The following ARHGEF7 variants were observed in gnomAD, a reference collection of about 807,000 sequenced individuals.
ARHGEF7 encodes the protein PAK-interacting exchange factor beta.
A neutral mutation model predicts 109.8 loss-of-function variants in ARHGEF7; 33 were observed. The observed-to-expected ratio is 0.30, with a 90% confidence interval of 0.23 to 0.40. The LOEUF (loss-of-function observed/expected upper bound fraction) is 0.40. ARHGEF7 is among the 10% of genes least tolerant of loss of function. The pLI, the probability that ARHGEF7 is intolerant of heterozygous loss-of-function variation, is 1.00. For synonymous variants in ARHGEF7, 458 were observed against 424.6 expected (o/e 1.08, Z -0.97); for missense variants, 938 against 1,098.5 (o/e 0.85, Z 2.07).
chr13:111,294,212 G>A, intron 19 of ARHGEF7: 1 of 985,416 alleles, frequency 1.0e-6, no homozygotes, highest in Non-Finnish European at 1.2e-6. Flanking sequence ...CTTACTATAA[G>A]TGGATTTAGA....
intron 20 of ARHGEF7, 31 bp from the exon 21 acceptor site, chr13:111,301,447 T>TC: frequency 6.2e-7 from 1 of 1,600,464 alleles, no homozygotes; most frequent in Admixed American, 1.7e-5. Flanking sequence ...CTCACCTTGT[T>TC]CATGTGTGTG....
At chr13:111,175,259 C>T (rs919208910) in intron 2 of ARHGEF7, among the ~76,000 whole-genome samples, 1 of 152,154 alleles carries the variant, frequency 6.6e-6, no homozygotes, top group Non-Finnish European at 1.5e-5. Flanking sequence ...GAGTCAAGGC[C>T]CACACTTGTA....
chr13:111,288,070 G>C (rs948521104), intron 17 of ARHGEF7, among the ~76,000 whole-genome samples: 1 of 152,200 alleles, frequency 6.6e-6, no homozygotes. Flanking sequence ...CAGTTTGAGA[G>C]TGGGGATACT....
chr13:111,125,966 C>T (rs953032980), intron 1 of ARHGEF7, among the ~76,000 whole-genome samples: 1 of 152,186 alleles, frequency 6.6e-6, no homozygotes, highest in Admixed American at 6.5e-5. Flanking sequence ...TGTTTGGCTC[C>T]TCAGGAAGAG....
chr13:111,187,081 T>G, intron 2 of ARHGEF7: 1 of 902,202 alleles, frequency 1.1e-6, no homozygotes, highest in Non-Finnish European at 1.3e-6. Context: ...GGAATAGAGC[T>G]GGTCAGTGTG....
chr13:111,279,705 C>T (rs1005862976), intron 13 of ARHGEF7, among the ~76,000 whole-genome samples: 4 of 152,134 alleles, frequency 2.6e-5, no homozygotes, highest in African/African-American at 7.2e-5. Context: ...GTGCAGTTAC[C>T]GATTTCTTCT....
At chr13:111,197,206 G>C (rs9555779) in intron 2 of ARHGEF7, among the ~76,000 whole-genome samples, 39,204 of 151,418 alleles carry the variant, frequency 0.26, 6,014 homozygotes, top group East Asian at 0.78. Flanking sequence ...GGACCCTGCT[G>C]ATGGGAATAG....
chr13:111,195,426 C>A (rs1372058878), intron 2 of ARHGEF7, among the ~76,000 whole-genome samples: 1 of 152,174 alleles, frequency 6.6e-6, no homozygotes, highest in Admixed American at 6.5e-5. Flanking sequence ...GGGAGAAATA[C>A]CTGGTTACAG....
intron 19 of ARHGEF7, chr13:111,292,584 T>C (rs2093323829): frequency 2.3e-6 from 3 of 1,301,086 alleles, no homozygotes; most frequent in African/African-American, 3.0e-5. Flanking sequence ...GGGGTAGTTG[T>C]TGTTTTATAG....
intron 5 of ARHGEF7, among the ~76,000 whole-genome samples, chr13:111,219,971 C>T (rs776179602): frequency 6.6e-6 from 1 of 152,130 alleles, no homozygotes; most frequent in Non-Finnish European, 1.5e-5. Flanking sequence ...CATGCTGAGG[C>T]GTGGAAATGT....
chr13:111,242,891 G>A (rs372589359), intron 6 of ARHGEF7, among the ~76,000 whole-genome samples: 31 of 152,206 alleles, frequency 2.0e-4, no homozygotes, highest in African/African-American at 7.0e-4. Flanking sequence ...GTCCCACCCT[G>A]GGCTGGGCCT....
intron 2 of ARHGEF7, among the ~76,000 whole-genome samples, chr13:111,196,112 C>T (rs922455682): frequency 3.9e-5 from 6 of 152,164 alleles, no homozygotes; most frequent in African/African-American, 9.7e-5. Context: ...CCTCCTGTAG[C>T]CAGTCGAGGA....
intron 3 of ARHGEF7, chr13:111,209,470 G>T: frequency 6.4e-6 from 1 of 156,698 alleles, no homozygotes; most frequent in Non-Finnish European, 1.4e-5. Flanking sequence ...CTTATTGCAT[G>T]ACACATCGTC....
At chr13:111,153,575 C>T in intron 1 of ARHGEF7, 4 of 1,065,166 alleles carry the variant, frequency 3.8e-6, no homozygotes, top group Non-Finnish European at 4.6e-6. Context: ...GGGCTGCGTC[C>T]GCGGGGGCGA....
At position 111,217,720 on chromosome 13, in the gene ARHGEF7, A is replaced by G. The variant is rs200899980; in HGVS notation, c.510A>G (p.Ala170=). The change falls in exon 5 of 22, where the codon GCA becomes GCG. Residue 170 remains alanine, a synonymous_variant. Coordinates refer to ENST00000646102, the MANE Select transcript of ARHGEF7 (RefSeq NM_001354046.2). ...DNSNNQLVVR[A]KFNFQQTNED... ...GCAACAATCAACTGGTAGTAAGAGC[A>G]AAGTTTAACTTCCAGCAGACCAATG... is the stretch of plus-strand genomic sequence containing the variant. 1.2e-6 allele frequency: 2 copies of G among 1,614,136 alleles called. No individual in the cohort carries two copies. The highest frequency in any genetic ancestry group is 1.7e-6 in the Non-Finnish European group (2 of 1,180,054).
chr13:111,281,327 C>T (rs569004226), intron 15 of ARHGEF7, among the ~76,000 whole-genome samples: 121 of 151,410 alleles, frequency 8.0e-4, no homozygotes, highest in Admixed American at 2.3e-3. Flanking sequence ...TCAAGTAATA[C>T]GGAAAAACTG....
At chr13:111,169,167 A>T (rs1401437253) in intron 2 of ARHGEF7, among the ~76,000 whole-genome samples, 3 of 152,230 alleles carry the variant, frequency 2.0e-5, no homozygotes, top group East Asian at 3.8e-4. Flanking sequence ...TAAAAAAGTC[A>T]CTTGGCATTG....
At chr13:111,203,200 T>A in intron 2 of ARHGEF7, 1 of 843,930 alleles carries the variant, frequency 1.2e-6, no homozygotes, top group Non-Finnish European at 1.6e-6. Flanking sequence ...TTCAGAGCAC[T>A]AAGATTAGAT....
chr13:111,251,958 T>C (rs1304392254), intron 8 of ARHGEF7, among the ~76,000 whole-genome samples: 1 of 152,216 alleles, frequency 6.6e-6, no homozygotes, highest in Non-Finnish European at 1.5e-5. Flanking sequence ...AAGCATTCCT[T>C]TATCCCCAAA....
Sources: allele counts gnomAD v4.1 joint callset (sites outside exome capture counted in the v4.1 genomes callset), GRCh38; gene constraint gnomAD v4.1.1; transcripts MANE v1.5; gene names NCBI Gene and HGNC (gene_info 2026-07-23, HGNC 2026-07-21).